The following ADCY3 variants were observed in gnomAD, a reference collection of about 807,000 sequenced individuals.
ADCY3 encodes adenylate cyclase 3.
A neutral mutation model predicts 119.4 loss-of-function variants in ADCY3; 70 were observed. The ratio of observed to expected loss-of-function variants is 0.59; its 90% CI spans 0.48 to 0.72. The LOEUF (loss-of-function observed/expected upper bound fraction) is 0.72. Ranked by LOEUF, ADCY3 falls within the 30% of genes least tolerant of loss-of-function variation. The pLI, the probability that ADCY3 is intolerant of heterozygous loss-of-function variation, is 0.00. For missense variants in ADCY3, 1,238 were observed against 1,541.6 expected (o/e 0.80, Z 3.30); for synonymous variants, 672 against 621.4 (o/e 1.08, Z -1.21).
intron 3 of ADCY3, among the ~76,000 whole-genome samples, chr2:24,869,857 A>G (rs1027659733): frequency 2.6e-5 from 4 of 152,194 alleles, no homozygotes; most frequent in African/African-American, 9.6e-5. Context: ...CATGGAAAGG[A>G]AGGAAAATGG....
At chr2:24,890,541 A>C (rs1386121979) in intron 2 of ADCY3, among the ~76,000 whole-genome samples, 1 of 152,202 alleles carries the variant, frequency 6.6e-6, no homozygotes, top group Non-Finnish European at 1.5e-5. Flanking sequence ...GTGCCTCTCA[A>C]GTAATTTGTC....
chr2:24,919,069 T>G lies in ADCY3; in HGVS notation c.-82A>C. 5 of 1,379,082 alleles carry G rather than the reference T, an allele frequency of 3.6e-6. No individual in the cohort carries two copies. Among genetic ancestry groups the G allele is most frequent in the South Asian group, 1.5e-5 (1 of 67,710 alleles). The allele number at this position is 1,379,082 out of a possible 1,614,324, so 85.4% of individuals were successfully genotyped here. A position where few individuals can be genotyped will look rare whatever the true frequency, so the allele number is the denominator to read the frequency against. On this transcript the variant is annotated 5_prime_UTR_variant, in exon 2 of 22. Coordinates refer to ENST00000679454, the MANE Select transcript of ADCY3 (RefSeq NM_004036.5). This position sits in a 1 kb window ranked among gnomAD's most constrained non-coding sequence, Gnocchi z 5.5. ...TCTGGACTGGGCCTCCTCTCAGGGC[T>G]CTCTGAGACCGGGGGAGGGCTGAGG...
chr2:24,865,135 A>G (rs940207792), intron 3 of ADCY3, among the ~76,000 whole-genome samples: 1 of 152,186 alleles, frequency 6.6e-6, no homozygotes, highest in Admixed American at 6.6e-5. Flanking sequence ...GTGGCAATGC[A>G]ATACAGACTT....
At chr2:24,913,806 A>G (rs1192504188) in intron 2 of ADCY3, among the ~76,000 whole-genome samples, 1 of 152,180 alleles carries the variant, frequency 6.6e-6, no homozygotes, top group South Asian at 2.1e-4. Context: ...CAGCTTCCTC[A>G]TGTTTTACTT....
intron 3 of ADCY3, among the ~76,000 whole-genome samples, chr2:24,856,986 T>G (rs1470201289): frequency 6.6e-6 from 1 of 152,208 alleles, no homozygotes; most frequent in Non-Finnish European, 1.5e-5. Flanking sequence ...ACCAGACCAG[T>G]GTCCCCAGAG....
rs1208046960 is a variant in ADCY3 at position 24,898,243 on chromosome 2, T to C, written c.675+20070A>G. ...AGTACTCCTCCTCCTGAGGGGCTTT[T>C]CTCTCCACTCTCCCAGTTCGTGCGC... On this transcript the variant is annotated intron_variant, in intron 2 of 21. Coordinates refer to ENST00000679454, the MANE Select transcript of ADCY3 (RefSeq NM_004036.5). This position sits in a 1 kb window ranked among gnomAD's most constrained non-coding sequence, Gnocchi z 4.3. Among the ~76,000 whole-genome samples the C allele has an allele frequency of 2.6e-5, 4 of 152,184 alleles. No homozygotes were observed. Among genetic ancestry groups the C allele is most frequent in the African/African-American group, 7.2e-5 (3 of 41,528 alleles).
intron 2 of ADCY3, among the ~76,000 whole-genome samples, chr2:24,879,708 G>A (rs1572972105): frequency 6.6e-6 from 1 of 152,216 alleles, no homozygotes; most frequent in Non-Finnish European, 1.5e-5. Flanking sequence ...ATAAGCTTCC[G>A]AGCCCCTAGT....
intron 3 of ADCY3, among the ~76,000 whole-genome samples, chr2:24,857,954 C>T (rs1673202399): frequency 1.3e-5 from 2 of 151,528 alleles, no homozygotes; most frequent in African/African-American, 4.9e-5. Flanking sequence ...ACTGTATCCC[C>T]AGTGCCTAGA....
chr2:24,858,630 T>A (rs527959826), intron 3 of ADCY3, among the ~76,000 whole-genome samples: 1 of 152,354 alleles, frequency 6.6e-6, no homozygotes, highest in Non-Finnish European at 1.5e-5. Context: ...AAATATAAAA[T>A]GCGCCACAAC....
chr2:24,838,996 G>A (rs1670671894), intron 7 of ADCY3: 3 of 988,342 alleles, frequency 3.0e-6, no homozygotes, highest in South Asian at 1.4e-5. Context: ...AGGATGGAGT[G>A]CAGTGGCTTG....
At chr2:24,854,297 T>C (rs533149324) in intron 3 of ADCY3, among the ~76,000 whole-genome samples, 129 of 152,324 alleles carry the variant, frequency 8.5e-4, no homozygotes, top group African/African-American at 2.7e-3. Flanking sequence ...AAACAAAGCA[T>C]GTTTAAAATC....
intron 3 of ADCY3, among the ~76,000 whole-genome samples, chr2:24,848,943 CCATTT>C (rs1256623778): frequency 1.3e-5 from 2 of 152,164 alleles, no homozygotes; most frequent in Non-Finnish European, 2.9e-5. Flanking sequence ...GCCCTGCCTT[CCATTT>C]GAGTCTCAGC....
chr2:24,874,515 G>A (rs999649002), intron 2 of ADCY3, among the ~76,000 whole-genome samples: 5 of 152,224 alleles, frequency 3.3e-5, no homozygotes, highest in African/African-American at 9.6e-5. Flanking sequence ...GGGAGGCTCC[G>A]GGACTGGAGC....
intron 3 of ADCY3, among the ~76,000 whole-genome samples, chr2:24,845,434 T>A (rs555340027): frequency 1.1e-3 from 174 of 152,358 alleles, no homozygotes; most frequent in African/African-American, 4.0e-3. Context: ...CAAAGGTGAC[T>A]GTTATGTTTT....
At position 24,823,281 on chromosome 2, in the gene ADCY3, T is replaced by C. The variant is rs1668055513; in HGVS notation, c.2811A>G (p.Thr937=). ...TACCACCATTGTTGATGCTCTCCTC[T>C]GTGTAGAAGTCAGCAAAGTTGGGCA... The part of the protein sequence containing the change: ...ASLPNFADFY[T]EESINNGGIE... Residue 937 remains threonine (T), a synonymous_variant, in exon 18 of 22, where the codon ACA becomes ACG. Transcript: ENST00000679454. The C allele has an allele frequency of 6.2e-7, 1 of 1,613,712 alleles. No homozygotes were observed. Among genetic ancestry groups the C allele is most frequent in the Admixed American group, 1.7e-5 (1 of 59,902 alleles).
rs935959342 is a variant in ADCY3 at position 24,872,947 on chromosome 2, A to G, written c.676-228T>C. ...CCCAGGGGCATGGCTCAAGGCCTGA[A>G]AGGCTCAAGGGTTCCACGAGGGGCA... On this transcript the variant is annotated intron_variant, in intron 2 of 21. Transcript: ENST00000679454. The surrounding 1 kb of genome is among the most constrained non-coding windows in gnomAD (Gnocchi z 4.4). 2.0e-5 allele frequency among the ~76,000 whole-genome samples: 3 copies of G among 152,192 alleles called. No individual in the cohort carries two copies. The highest frequency in any genetic ancestry group is 4.4e-5 in the Non-Finnish European group (3 of 68,018).
intron 18 of ADCY3, 117 bp from the exon 19 acceptor site, chr2:24,822,747 C>T: frequency 7.3e-7 from 1 of 1,376,308 alleles, no homozygotes; most frequent in Non-Finnish European, 9.8e-7. Context: ...ACTTTCCTAT[C>T]AAAGTTGTTA....
At chr2:24,902,318 C>T (rs949543461) in intron 2 of ADCY3, among the ~76,000 whole-genome samples, 3 of 152,040 alleles carry the variant, frequency 2.0e-5, no homozygotes, top group Non-Finnish European at 4.4e-5. Context: ...TGGGCTCAAG[C>T]GATCCTCCCA....
rs570326990 is a variant in ADCY3 at position 24,866,911 on chromosome 2, T to C, written c.825+5659A>G. On this transcript the variant is annotated intron_variant, in intron 3 of 21. Coordinates refer to ENST00000679454, the MANE Select transcript of ADCY3 (RefSeq NM_004036.5). ...TCTGAAGTGCAAAAAGAAAAAAAGATTCAGAAAAAGAAGAGAGATACTTCT... is the reference window on the plus strand; with the variant it reads ...TCTGAAGTGCAAAAAGAAAAAAAGACTCAGAAAAAGAAGAGAGATACTTCT... 1.5e-3 allele frequency among the ~76,000 whole-genome samples: 230 copies of C among 152,086 alleles called. 1 individual carries two copies. The highest frequency in any genetic ancestry group is 5.4e-3 in the African/African-American group (224 of 41,506).
Sources: gnomAD v4.1 joint callset for allele counts (sites outside exome capture counted in the v4.1 genomes callset) on GRCh38, gnomAD v4.1.1 for gene constraint, Gnocchi (gnomAD v3.1) non-coding constraint, MANE v1.5 for transcripts, NCBI Gene and HGNC (gene_info 2026-07-23, HGNC 2026-07-21) for gene names.